The following TAFA2 variants were observed in gnomAD, a reference collection of about 807,000 sequenced individuals.
TAFA2 encodes chemokine-like protein TAFA-2.
Under a neutral mutation model 18.8 loss-of-function variants are expected in TAFA2, and 7 were observed. The ratio of observed to expected loss-of-function variants is 0.37; its 90% CI spans 0.21 to 0.70. The LOEUF is 0.70. Ranked by LOEUF, TAFA2 falls within the 30% of genes least tolerant of loss-of-function variation. TAFA2 has a pLI of 0.53. For missense variants in TAFA2, 122 were observed against 158.1 expected, an observed-to-expected ratio of 0.77 and a Z score of 1.23; for synonymous variants, 60 against 54.2, an observed-to-expected ratio of 1.11 and a Z score of -0.47.
At chr12:62,170,672 T>C (rs551778964) in intron 1 of TAFA2, among the ~76,000 whole-genome samples, 1 of 141,260 alleles carries the variant, frequency 7.1e-6, no homozygotes, top group East Asian at 2.0e-4. Context: ...TTTACATCGA[T>C]ACAATGCAGA....
chr12:61,795,129 G>C (rs1474320960), intron 2 of TAFA2, among the ~76,000 whole-genome samples: 1 of 152,166 alleles, frequency 6.6e-6, no homozygotes, highest in East Asian at 1.9e-4. Flanking sequence ...TACACTGTTG[G>C]TGGGACTGTA....
intron 1 of TAFA2, among the ~76,000 whole-genome samples, chr12:62,091,271 C>T (rs1003428389): frequency 6.6e-6 from 1 of 151,990 alleles, no homozygotes; most frequent in Non-Finnish European, 1.5e-5. Context: ...TAATTCAAGG[C>T]AGTGAATTCC....
At chr12:61,804,519 A>C (rs1330277266) in intron 2 of TAFA2, among the ~76,000 whole-genome samples, 1 of 152,012 alleles carries the variant, frequency 6.6e-6, no homozygotes, top group Non-Finnish European at 1.5e-5. Flanking sequence ...CACCCAGGAA[A>C]TGGATTAGGT....
chr12:61,973,824 G>A (rs1220933247), intron 1 of TAFA2, among the ~76,000 whole-genome samples: 1 of 151,674 alleles, frequency 6.6e-6, no homozygotes, highest in Non-Finnish European at 1.5e-5. Context: ...GTAATCCTTG[G>A]GGAAGTGAGC....
chr12:61,775,370 G>C (rs1452745991), intron 2 of TAFA2, among the ~76,000 whole-genome samples: 2 of 151,768 alleles, frequency 1.3e-5, no homozygotes, highest in Non-Finnish European at 2.9e-5. Flanking sequence ...ATTTATAGCA[G>C]CTAAATTGCC....
At chr12:61,719,088 G>A (rs1185481187) in intron 4 of TAFA2, among the ~76,000 whole-genome samples, 1 of 152,014 alleles carries the variant, frequency 6.6e-6, no homozygotes, top group African/African-American at 2.4e-5. Context: ...TATGGCAGTT[G>A]GGGGGGATCT....
intron 1 of TAFA2, among the ~76,000 whole-genome samples, chr12:61,903,049 A>G (rs1032410942): frequency 2.0e-5 from 3 of 152,068 alleles, no homozygotes; most frequent in Non-Finnish European, 4.4e-5. Context: ...ATGAACTCCT[A>G]TCTGATCTCT....
chr12:61,713,676 C>T (rs1005145518), intron 4 of TAFA2, among the ~76,000 whole-genome samples: 1 of 152,068 alleles, frequency 6.6e-6, no homozygotes, highest in African/African-American at 2.4e-5. Context: ...GTTTACTATG[C>T]AAGGTCCAAA....
rs1880353904 is a variant in TAFA2, at chr12:62,000,859, A to G, written c.-1-133433T>C. ...AAGATTCCATTTATATAAAGGTCCA[A>G]AGCAGGTAGGATGGATCTATAGTGA... On this transcript the variant is annotated intron_variant, in intron 1 of 4. Transcript: ENST00000416284. 2.0e-5 allele frequency among the ~76,000 whole-genome samples: 3 copies of G among 152,354 alleles called. No homozygotes were observed. In the South Asian group the frequency reaches 6.2e-4, roughly 32 times the overall value.
In TAFA2 at chr12:61,947,506, C is replaced by T. The variant is rs116779217; in HGVS notation, c.-1-80080G>A. Among the ~76,000 whole-genome samples, 589 of 151,986 alleles carry T rather than the reference C, an allele frequency of 3.9e-3. 3 individuals carry two copies. Among genetic ancestry groups the T allele is most frequent in the African/African-American group, 0.014 (564 of 41,476 alleles). On this transcript the variant is annotated intron_variant, in intron 1 of 4. Transcript: ENST00000416284. ...ATAAATAAAAAAGAATTTTGTCATT[C>T]GTTTTATCTCAAGCTTCTCACAAAA...
At chr12:61,743,037 C>T (rs1237793000) in intron 4 of TAFA2, among the ~76,000 whole-genome samples, 1 of 151,966 alleles carries the variant, frequency 6.6e-6, no homozygotes, top group Admixed American at 6.6e-5. Context: ...AAATCCAAAT[C>T]TTTTAACATG....
At chr12:61,995,797 T>C (rs1398943504) in intron 1 of TAFA2, among the ~76,000 whole-genome samples, 1 of 152,138 alleles carries the variant, frequency 6.6e-6, no homozygotes, top group East Asian at 1.9e-4. Context: ...GTATAAAGTT[T>C]CCTTGGAGGT....
chr12:61,906,384 T>C (rs986082244), intron 1 of TAFA2, among the ~76,000 whole-genome samples: 9 of 152,122 alleles, frequency 5.9e-5, no homozygotes, highest in Admixed American at 3.3e-4. Flanking sequence ...GGGCAATTCC[T>C]CTGCATATGC....
In TAFA2 at chr12:61,890,750, A is replaced by G. The variant is rs375717212; in HGVS notation, c.-1-23324T>C. 1.1e-4 allele frequency among the ~76,000 whole-genome samples: 16 copies of G among 152,290 alleles called. No individual in the cohort carries two copies. In the South Asian group the frequency reaches 1.7e-3, roughly 16 times the overall value. On this transcript the variant is annotated intron_variant, in intron 1 of 4. Transcript: ENST00000416284. ...ATCCATTGCAGGATCCTGACTGGCT[A>G]TAATATGCCAGACTTCTCCCCGGGG...
chr12:62,258,881 C>A, upstream of TAFA2: 1 of 189,078 alleles, frequency 5.3e-6, no homozygotes, highest in Non-Finnish European at 1.2e-5. Flanking sequence ...AGAGGGTAGC[C>A]GTGGTTAGAG....
intron 1 of TAFA2, among the ~76,000 whole-genome samples, chr12:62,072,211 T>A (rs540236097): frequency 6.0e-4 from 92 of 152,126 alleles, no homozygotes; most frequent in African/African-American, 2.1e-3. Flanking sequence ...ACGCCTGTAA[T>A]CCCAGCACTT....
rs570434147 is a variant in TAFA2, at chr12:61,742,191, A to C, written c.384+11431T>G. ...ATTACAGGCATGAGCCACTGTGCCC[A>C]GCCCATATTTATTCTTATTTTTAAA... On this transcript the variant is annotated intron_variant, in intron 4 of 4. Transcript: ENST00000416284. Among the ~76,000 whole-genome samples, 3 of 152,218 alleles carry C rather than the reference A, an allele frequency of 2.0e-5. No homozygotes were observed. In the East Asian group the frequency reaches 5.8e-4, roughly 29 times the overall value.
chr12:62,157,154 A>T (rs2062375218), intron 1 of TAFA2, among the ~76,000 whole-genome samples: 1 of 152,130 alleles, frequency 6.6e-6, no homozygotes, highest in African/African-American at 2.4e-5. Context: ...GTTAAGTACA[A>T]TTTTTTTACA....
chr12:62,201,423 T>C (rs2062670401), intron 1 of TAFA2, among the ~76,000 whole-genome samples: 1 of 152,194 alleles, frequency 6.6e-6, no homozygotes, highest in Non-Finnish European at 1.5e-5. Flanking sequence ...CAATACCTAG[T>C]ATATTGAGAG....
Sources: gnomAD v4.1 joint callset for allele counts (sites outside exome capture counted in the v4.1 genomes callset) on GRCh38, gnomAD v4.1.1 for gene constraint, MANE v1.5 for transcripts, NCBI Gene and HGNC (gene_info 2026-07-23, HGNC 2026-07-21) for gene names.